Variants in LRP1B observed in about 807,000 individuals in gnomAD.
LRP1B encodes the protein low-density lipoprotein receptor-related protein 1B.
LRP1B carries 217 observed loss-of-function variants against 556.6 expected under a neutral mutation model. The ratio of observed to expected loss-of-function variants is 0.39; its 90% CI spans 0.35 to 0.44. The LOEUF (loss-of-function observed/expected upper bound fraction) is 0.44. LRP1B is among the 20% of genes least tolerant of loss of function. LRP1B has a pLI of 1.00. For synonymous variants in LRP1B, 2,047 were observed against 1,865.8 expected (o/e 1.10, Z -2.50); for missense variants, 5,053 against 5,620.8 (o/e 0.90, Z 3.23).
intron 25 of LRP1B, among the ~76,000 whole-genome samples, chr2:140,880,784 A>G (rs936331071): frequency 6.6e-6 from 1 of 152,134 alleles, no homozygotes; most frequent in African/African-American, 2.4e-5. Context: ...TAGTTTTCCC[A>G]TTAGCTGTCT....
intron 20 of LRP1B, among the ~76,000 whole-genome samples, chr2:140,927,997 T>C (rs899190433): frequency 2.2e-4 from 34 of 152,000 alleles, no homozygotes; most frequent in African/African-American, 8.2e-4. Flanking sequence ...CTGCCCACCT[T>C]GGCCTCTCAA....
At chr2:142,070,512 A>G (rs552618508) in intron 1 of LRP1B, among the ~76,000 whole-genome samples, 1 of 152,012 alleles carries the variant, frequency 6.6e-6, no homozygotes, top group South Asian at 2.1e-4. Flanking sequence ...TGATGTGCAC[A>G]AATGCACAAA....
At chr2:140,985,671 G>A (rs754833108) in intron 17 of LRP1B, among the ~76,000 whole-genome samples, 1 of 151,578 alleles carries the variant, frequency 6.6e-6, no homozygotes, top group Non-Finnish European at 1.5e-5. Flanking sequence ...CCTCTTCTGG[G>A]CAAATTCTCC....
intron 1 of LRP1B, among the ~76,000 whole-genome samples, chr2:141,905,305 T>C (rs897591650): frequency 1.3e-5 from 2 of 151,730 alleles, no homozygotes; most frequent in African/African-American, 4.8e-5. Context: ...TGAATGGAGA[T>C]AACGAAGTAA....
At chr2:140,291,869 A>C (rs907976290) in intron 84 of LRP1B, among the ~76,000 whole-genome samples, 1 of 152,114 alleles carries the variant, frequency 6.6e-6, no homozygotes, top group African/African-American at 2.4e-5. Context: ...GTTCTAGATC[A>C]CTGAGGAATC....
At chr2:141,480,275 G>A (rs1203702748) in intron 3 of LRP1B, 121 bp downstream of exon 3, 1 of 1,092,586 alleles carries the variant, frequency 9.2e-7, no homozygotes. Flanking sequence ...TAAAATTCAT[G>A]CTTTCTTAAT....
intron 77 of LRP1B, among the ~76,000 whole-genome samples, chr2:140,339,536 G>A (rs1428244883): frequency 6.6e-6 from 1 of 151,544 alleles, no homozygotes; most frequent in Non-Finnish European, 1.5e-5. Context: ...CAATGGAATT[G>A]TATTAAAACA....
Position 142,131,012 on chromosome 2 carries a change from C to G in LRP1B, c.-283G>C, listed in dbSNP as rs936336352. The G allele has an allele frequency of 2.0e-6, 1 of 503,648 alleles. No individual in the cohort carries two copies. The allele number at this position is 503,648 out of a possible 1,614,324, so 31.2% of individuals were successfully genotyped here. ...TGTCTTGACTTTTCAATGCAGGGTA[C>G]GTCTGATCTTACATCACGCAAGAGG... On this transcript the variant is annotated 5_prime_UTR_variant, in exon 1 of 91. Transcript: ENST00000389484.
chr2:140,558,635 T>C (rs1680818836), intron 43 of LRP1B, among the ~76,000 whole-genome samples: 1 of 151,914 alleles, frequency 6.6e-6, no homozygotes, highest in Non-Finnish European at 1.5e-5. Flanking sequence ...GGGTTTCTTT[T>C]TGGTGTGATA....
chr2:140,544,982 G>A (rs1282376599), intron 43 of LRP1B, among the ~76,000 whole-genome samples: 1 of 151,926 alleles, frequency 6.6e-6, no homozygotes, highest in Admixed American at 6.6e-5. Context: ...TTTAATAATA[G>A]CCATTCTGAC....
At chr2:140,647,865 G>A (rs1350220903) in intron 41 of LRP1B, among the ~76,000 whole-genome samples, 2 of 152,144 alleles carry the variant, frequency 1.3e-5, no homozygotes, top group Admixed American at 6.5e-5. Context: ...TTCAACCATT[G>A]TGGAAGACAG....
intron 2 of LRP1B, among the ~76,000 whole-genome samples, chr2:141,791,042 TTC>T (rs201853976): frequency 0.011 from 1,613 of 152,064 alleles, 33 homozygotes; most frequent in African/African-American, 0.037. Flanking sequence ...GTAAGTGAAG[TTC>T]TGTTTTTTTA....
intron 3 of LRP1B, among the ~76,000 whole-genome samples, chr2:141,465,007 A>C (rs1682125813): frequency 6.6e-6 from 1 of 152,190 alleles, no homozygotes; most frequent in Admixed American, 6.5e-5. Flanking sequence ...AGGAAACAAA[A>C]AAAAGATAGG....
chr2:141,392,244 C>T (rs1423723025), intron 3 of LRP1B, among the ~76,000 whole-genome samples: 2 of 151,930 alleles, frequency 1.3e-5, no homozygotes, highest in Non-Finnish European at 2.9e-5. Context: ...CATAGATACT[C>T]CCCATGTAAT....
intron 2 of LRP1B, among the ~76,000 whole-genome samples, chr2:141,596,102 G>A (rs373561998): frequency 3.3e-5 from 5 of 151,680 alleles, no homozygotes; most frequent in African/African-American, 7.3e-5. Context: ...CAGATATAGC[G>A]AACCATGGCA....
At chr2:141,891,413 T>C (rs571778140) in intron 1 of LRP1B, among the ~76,000 whole-genome samples, 1 of 152,142 alleles carries the variant, frequency 6.6e-6, no homozygotes, top group Non-Finnish European at 1.5e-5. Context: ...TTCCCTTATC[T>C]CCAAATTTTT....
intron 7 of LRP1B, among the ~76,000 whole-genome samples, chr2:141,119,630 T>A (rs1204043235): frequency 6.6e-6 from 1 of 151,724 alleles, no homozygotes; most frequent in African/African-American, 2.4e-5. Context: ...CCTGAAGAAA[T>A]CCAAAGCACT....
At chr2:141,860,229 A>G (rs765138406) in intron 1 of LRP1B, among the ~76,000 whole-genome samples, 5 of 152,192 alleles carry the variant, frequency 3.3e-5, no homozygotes, top group African/African-American at 4.8e-5. Context: ...AATAAGATAT[A>G]CATTCTTGTA....
chr2:141,396,780 C>T (rs1267528752), intron 3 of LRP1B, among the ~76,000 whole-genome samples: 5 of 151,964 alleles, frequency 3.3e-5, no homozygotes, highest in Admixed American at 2.0e-4. Flanking sequence ...TTAGACAAAA[C>T]GATCCCTAGA....
Sources: allele counts gnomAD v4.1 joint callset (sites outside exome capture counted in the v4.1 genomes callset), GRCh38; gene constraint gnomAD v4.1.1; transcripts MANE v1.5; gene names NCBI Gene and HGNC (gene_info 2026-07-23, HGNC 2026-07-21).